ETV6: variants seen among roughly 807,000 people sequenced by gnomAD.
ETV6 encodes the protein transcription factor ETV6.
Under a neutral mutation model 51.1 loss-of-function variants are expected in ETV6, and 16 were observed. The ratio of observed to expected loss-of-function variants is 0.31; its 90% CI spans 0.21 to 0.48. The LOEUF is 0.48. Ranked by LOEUF, ETV6 falls within the 20% of genes least tolerant of loss-of-function variation. The probability of loss-of-function intolerance (pLI) is 0.99; values close to 1 mark genes in which losing one functional copy is unlikely to be tolerated. For synonymous variants in ETV6, 240 were observed against 224.1 expected (o/e 1.07, Z -0.64); for missense variants, 458 against 594.8 (o/e 0.77, Z 2.39).
At chr12:11,863,443 C>A (rs1413154528) in intron 4 of ETV6, among the ~76,000 whole-genome samples, 1 of 152,158 alleles carries the variant, frequency 6.6e-6, no homozygotes, top group Non-Finnish European at 1.5e-5. Context: ...AATGACGGTT[C>A]CCTGCCAGTC....
chr12:11,804,094 T>C (rs1346496051), intron 2 of ETV6, among the ~76,000 whole-genome samples: 1 of 152,230 alleles, frequency 6.6e-6, no homozygotes, highest in Non-Finnish European at 1.5e-5. Flanking sequence ...CTGTAAATTC[T>C]TTCAAAAGAT....
chr12:11,871,279 C>T (rs1325777567), intron 5 of ETV6, among the ~76,000 whole-genome samples: 1 of 151,438 alleles, frequency 6.6e-6, no homozygotes, highest in Middle Eastern at 3.2e-3. Context: ...AGCTCCGCCT[C>T]CCGGGTTCAC....
chr12:11,876,919 T>TCTTTAATAC, intron 5 of ETV6, among the ~76,000 whole-genome samples: 1 of 152,228 alleles, frequency 6.6e-6, no homozygotes, highest in South Asian at 2.1e-4. Context: ...ATCCTTGGAA[T>TCTTTAATAC]CTTTAAAGGT....
chr12:11,750,873 GT>G (rs1260736899), intron 1 of ETV6: 2 of 457,116 alleles, frequency 4.4e-6, no homozygotes, highest in East Asian at 5.9e-5. Flanking sequence ...TCAAGTTAAA[GT>G]TTCTCAAAAT....
chr12:11,885,730 A>G (rs759633453), intron 6 of ETV6, among the ~76,000 whole-genome samples, 196 bp from the exon 7 acceptor site: 6 of 152,192 alleles, frequency 3.9e-5, no homozygotes, highest in Non-Finnish European at 1.5e-5. Context: ...CCTTGGTGAC[A>G]GTGAATATAA....
chr12:11,672,496 A>G (rs1195824271), intron 1 of ETV6, among the ~76,000 whole-genome samples: 1 of 152,186 alleles, frequency 6.6e-6, no homozygotes, highest in African/African-American at 2.4e-5. Flanking sequence ...TCGTTAACAC[A>G]ACGACGTAGC....
In ETV6 at chr12:11,823,602, G is replaced by A. The variant is rs570327543; in HGVS notation, c.164-15538G>A. On this transcript the variant is annotated intron_variant, in intron 2 of 7. Coordinates refer to ENST00000396373, the MANE Select transcript of ETV6 (RefSeq NM_001987.5). ...TTGCCTCAGCCTTCCAAGTAACTGG[G>A]ATGACAGGCTCCCATCACTAGGCCA... Among the ~76,000 whole-genome samples the A allele has an allele frequency of 1.2e-4, 19 of 152,118 alleles. No individual in the cohort carries two copies. In the East Asian group the frequency reaches 3.7e-3, roughly 29 times the overall value.
intron 1 of ETV6, among the ~76,000 whole-genome samples, chr12:11,671,070 G>T (rs999869310): frequency 6.6e-6 from 1 of 152,064 alleles, no homozygotes; most frequent in Admixed American, 6.6e-5. Flanking sequence ...CCCTAGACAG[G>T]GACCTCCTCC....
At chr12:11,651,690 C>T (rs1389510236) in intron 1 of ETV6, among the ~76,000 whole-genome samples, 2 of 152,032 alleles carry the variant, frequency 1.3e-5, no homozygotes, top group African/African-American at 2.4e-5. Context: ...GAAAATCCTG[C>T]GGTATAGATA....
chr12:11,708,969 A>G (rs371637304), intron 1 of ETV6, among the ~76,000 whole-genome samples: 1 of 152,218 alleles, frequency 6.6e-6, no homozygotes, highest in African/African-American at 2.4e-5. Flanking sequence ...CAGCTCATGA[A>G]TGGAGAGACA....
chr12:11,796,697 C>G (rs1945681330), intron 2 of ETV6, among the ~76,000 whole-genome samples: 1 of 152,060 alleles, frequency 6.6e-6, no homozygotes, highest in Non-Finnish European at 1.5e-5. Context: ...CAGGTTTCTT[C>G]TCTATAAACT....
At chr12:11,825,833 CT>C (rs752585066) in intron 2 of ETV6, 2,022 of 128,532 alleles carry the variant, frequency 0.016, 24 homozygotes, top group African/African-American at 0.04. Flanking sequence ...GAAAGCATGC[CT>C]TTTTTTTTTT....
Position 11,752,509 on chromosome 12 carries a change from G to A in ETV6, c.93G>A (p.Thr31=), listed in dbSNP as rs201801905. The A allele has an allele frequency of 1.9e-5, 31 of 1,613,702 alleles. No homozygotes were observed. The highest frequency in any genetic ancestry group is 6.7e-5 in the East Asian group (3 of 44,874). The change falls in exon 2 of 8, where the codon ACG becomes ACA. Residue 31 remains threonine, a synonymous_variant. Transcript: ENST00000396373. ...ESPVPSYASS[T]PLHVPVPRAL... is the part of the protein sequence containing the mutation. ...CAGTGCCGAGTTACGCTTCCTCGAC[G>A]CCACTTCATGTTCCAGTGCCTCGAG... is the stretch of plus-strand genomic sequence containing the variant.
chr12:11,836,366 G>A (rs558312922), intron 2 of ETV6, among the ~76,000 whole-genome samples: 4 of 152,272 alleles, frequency 2.6e-5, no homozygotes, highest in Admixed American at 2.6e-4. Context: ...GAGTGGCCTC[G>A]AGCAGGTGGC....
intron 1 of ETV6, among the ~76,000 whole-genome samples, chr12:11,653,305 G>C (rs760325923): frequency 1.3e-5 from 2 of 152,194 alleles, no homozygotes; most frequent in Non-Finnish European, 2.9e-5. Flanking sequence ...GCAGCGGAAG[G>C]TGGTTGTGGC....
At chr12:11,876,292 T>C (rs1174349504) in intron 5 of ETV6, among the ~76,000 whole-genome samples, 2 of 152,202 alleles carry the variant, frequency 1.3e-5, no homozygotes, top group South Asian at 2.1e-4. Flanking sequence ...CATTCATTGA[T>C]TCAAAAATTA....
At chr12:11,834,365 G>T (rs1946285153) in intron 2 of ETV6, among the ~76,000 whole-genome samples, 2 of 152,148 alleles carry the variant, frequency 1.3e-5, no homozygotes, top group Non-Finnish European at 2.9e-5. Context: ...AGAACCTAGA[G>T]CAAATTCCTG....
intron 3 of ETV6, 148 bp downstream of exon 3, chr12:11,839,452 T>G (rs1261265974): frequency 9.7e-6 from 8 of 823,888 alleles, no homozygotes; most frequent in Admixed American, 8.3e-5. Flanking sequence ...GAAGGAAGAT[T>G]ATGCTAGCAT....
At chr12:11,680,758 G>T (rs1056667573) in intron 1 of ETV6, among the ~76,000 whole-genome samples, 1 of 152,150 alleles carries the variant, frequency 6.6e-6, no homozygotes, top group Admixed American at 6.5e-5. Context: ...GTTGTACCAT[G>T]TTCAGGAACT....
Sources: allele counts gnomAD v4.1 joint callset (sites outside exome capture counted in the v4.1 genomes callset), GRCh38; gene constraint gnomAD v4.1.1; transcripts MANE v1.5; gene names NCBI Gene and HGNC (gene_info 2026-07-23, HGNC 2026-07-21).